EHMT1: variants seen among roughly 807,000 people sequenced by gnomAD.
EHMT1 encodes the protein euchromatic histone lysine methyltransferase 1.
A neutral mutation model predicts 147.2 loss-of-function variants in EHMT1; 15 were observed. The observed-to-expected ratio is 0.10, with a 90% confidence interval of 0.07 to 0.16. The LOEUF (loss-of-function observed/expected upper bound fraction) is 0.16. Among genes scored for constraint, EHMT1 ranks in the 10% least tolerant of loss-of-function variants. The pLI is 1.00. For synonymous variants in EHMT1, 795 were observed against 709.6 expected (o/e 1.12, Z -1.91); for missense variants, 1,587 against 1,772.4 (o/e 0.90, Z 1.88).
chr9:137,804,240 A>C (rs1443636329), intron 18 of EHMT1, among the ~76,000 whole-genome samples: 2 of 152,198 alleles, frequency 1.3e-5, no homozygotes, highest in Non-Finnish European at 2.9e-5. Flanking sequence ...GAGCCAACCC[A>C]TATCAGACAG....
At chr9:137,742,786 A>C (rs956896918) in intron 4 of EHMT1, among the ~76,000 whole-genome samples, 1 of 152,062 alleles carries the variant, frequency 6.6e-6, no homozygotes, top group African/African-American at 2.4e-5. Flanking sequence ...CAGCGCAAGG[A>C]GGATGGTGTT....
chr9:137,736,564 G>C (rs889175599), intron 4 of EHMT1, among the ~76,000 whole-genome samples: 4 of 152,226 alleles, frequency 2.6e-5, no homozygotes, highest in Admixed American at 2.0e-4. Context: ...CCATATGTTA[G>C]GCCACAAATA....
At chr9:137,714,114 C>G (rs866105143) in intron 2 of EHMT1, among the ~76,000 whole-genome samples, 8 of 152,210 alleles carry the variant, frequency 5.3e-5, no homozygotes, top group South Asian at 2.1e-4. Flanking sequence ...CCATTCCAAT[C>G]TGCATTCTTT....
intron 1 of EHMT1, chr9:137,646,446 G>A (rs1844889867): frequency 5.1e-6 from 5 of 985,426 alleles, no homozygotes; most frequent in Non-Finnish European, 6.0e-6. Context: ...AAAGTAAGAG[G>A]GCTGAATGGG....
At chr9:137,665,603 C>A (rs1203880225) in intron 1 of EHMT1, among the ~76,000 whole-genome samples, 1 of 152,174 alleles carries the variant, frequency 6.6e-6, no homozygotes, top group Non-Finnish European at 1.5e-5. Context: ...GGGCTGGTCC[C>A]CAGATTCCAT....
rs1490696129 is a variant in EHMT1 at position 137,619,056 on chromosome 9, A to C, written c.21+7A>C. 3.2e-6 allele frequency: 3 copies of C among 927,530 alleles called. No homozygotes were observed. Among genetic ancestry groups the C allele is most frequent in the Non-Finnish European group, 3.8e-6 (3 of 780,334 alleles). The allele number at this position is 927,530 out of a possible 1,614,324, so 57.5% of individuals were successfully genotyped here. On this transcript the variant is annotated splice_region_variant and intron_variant, in intron 1 of 26. Coordinates refer to ENST00000460843, the MANE Select transcript of EHMT1 (RefSeq NM_024757.5). ...GGCCGCCGCCGATGCCGAGGTGAGC[A>C]GCGGGGCCGGCGGGGGGCGGCGCGG...
intron 4 of EHMT1, among the ~76,000 whole-genome samples, chr9:137,742,082 C>T (rs1257434552): frequency 2.0e-5 from 3 of 152,244 alleles, no homozygotes; most frequent in African/African-American, 2.4e-5. Flanking sequence ...CTGTGTGCTC[C>T]GAGCCTGACC....
chr9:137,741,532 A>G (rs907443229), intron 4 of EHMT1, among the ~76,000 whole-genome samples: 1 of 152,192 alleles, frequency 6.6e-6, no homozygotes, highest in African/African-American at 2.4e-5. Context: ...TTATTTATAA[A>G]CAGGTGCCAT....
chr9:137,817,196 A>G (rs1481133714), intron 23 of EHMT1: 1 of 583,952 alleles, frequency 1.7e-6, no homozygotes, highest in African/African-American at 1.9e-5. Flanking sequence ...ACACCGAGCC[A>G]CGGCCAGGAC....
chr9:137,763,217 C>T lies in EHMT1; in HGVS notation c.1647+397C>T, dbSNP rs867905815. ...CCTGCAGGGCAGGCCCCGCAAGGGC[C>T]GGGCCTCGGCCACCTCCCTCCTTTC... On this transcript the variant is annotated intron_variant, in intron 10 of 26. Coordinates refer to ENST00000460843, the MANE Select transcript of EHMT1 (RefSeq NM_024757.5). 18 of 390,084 alleles carry T rather than the reference C, an allele frequency of 4.6e-5. No homozygotes were observed. In the East Asian group the frequency reaches 5.2e-4, roughly 11 times the overall value. 24.2% of individuals were successfully genotyped at this position (390,084 alleles called of 1,614,324 possible). A position where few individuals can be genotyped will look rare whatever the true frequency, so the allele number is the denominator to read the frequency against.
intron 25 of EHMT1, among the ~76,000 whole-genome samples, chr9:137,820,441 T>G (rs1955315470): frequency 2.0e-5 from 3 of 152,244 alleles, no homozygotes; most frequent in African/African-American, 7.2e-5. Flanking sequence ...TGTCGCCTTC[T>G]CTCTATGACT....
intron 1 of EHMT1, among the ~76,000 whole-genome samples, chr9:137,635,012 G>A (rs1486777195): frequency 1.3e-5 from 2 of 151,124 alleles, no homozygotes; most frequent in East Asian, 2.0e-4. Flanking sequence ...GAGCCACTGC[G>A]CCCGGCTGTC....
chr9:137,624,773 G>A (rs1843150388), intron 1 of EHMT1, among the ~76,000 whole-genome samples: 2 of 151,124 alleles, frequency 1.3e-5, no homozygotes, highest in African/African-American at 4.9e-5. Context: ...TGATTTTTCT[G>A]TTTTTGTAGA....
At chr9:137,817,607 C>T (rs1211647112) in intron 24 of EHMT1, 82 bp downstream of exon 24, 1 of 1,570,586 alleles carries the variant, frequency 6.4e-7, no homozygotes, top group Non-Finnish European at 8.7e-7. Flanking sequence ...CAGGAAGCCC[C>T]TCTGGGAGCA....
At chr9:137,709,890 G>T (rs1286008656) in intron 1 of EHMT1, among the ~76,000 whole-genome samples, 1 of 152,088 alleles carries the variant, frequency 6.6e-6, no homozygotes, top group Non-Finnish European at 1.5e-5. Context: ...TCACCAGAGG[G>T]CTTTCTCCAG....
intron 6 of EHMT1, among the ~76,000 whole-genome samples, chr9:137,749,343 T>C (rs1228222311): frequency 6.6e-6 from 1 of 152,140 alleles, no homozygotes; most frequent in East Asian, 1.9e-4. Flanking sequence ...CAAATCATAG[T>C]TTATTGTAGT....
rs1023486692 is a variant in EHMT1 at position 137,782,948 on chromosome 9, A to G, written c.2382+551A>G. On this transcript the variant is annotated intron_variant, in intron 15 of 26. Coordinates refer to ENST00000460843, the MANE Select transcript of EHMT1 (RefSeq NM_024757.5). The surrounding 1 kb of genome is among the most constrained non-coding windows in gnomAD (Gnocchi z 5.7). The stretch of plus-strand genomic sequence containing the variant: ...ACACGACGCTGTTTGTCCCCCTGTG[A>G]CGCCCCTTCCCTGATCCCGGTGTTG... 2.0e-5 allele frequency among the ~76,000 whole-genome samples: 3 copies of G among 152,090 alleles called. No individual in the cohort carries two copies. The highest frequency in any genetic ancestry group is 2.9e-5 in the Non-Finnish European group (2 of 68,036).
chr9:137,788,465 C>G, intron 15 of EHMT1: 1 of 177,578 alleles, frequency 5.6e-6, no homozygotes, highest in Non-Finnish European at 1.2e-5. Context: ...ACGGAGGTTG[C>G]AGGTGTAGGG....
chr9:137,743,536 A>T lies in EHMT1; in HGVS notation c.981+8A>T. On this transcript the variant is annotated splice_region_variant and intron_variant, in intron 5 of 26. Coordinates refer to ENST00000460843, the MANE Select transcript of EHMT1 (RefSeq NM_024757.5). The stretch of plus-strand genomic sequence containing the variant: ...TCCACTGTGGGTTCCAAGGTAAGAG[A>T]CGCATTTGAGTGAGTTGCCACGTGT... The T allele has an allele frequency of 6.2e-7, 1 of 1,613,810 alleles. No individual in the cohort carries two copies. The highest frequency in any genetic ancestry group is 2.2e-5 in the East Asian group (1 of 44,870).
Sources: allele counts gnomAD v4.1 joint callset (sites outside exome capture counted in the v4.1 genomes callset), GRCh38; gene constraint gnomAD v4.1.1; non-coding constraint Gnocchi (gnomAD v3.1); transcripts MANE v1.5; gene names NCBI Gene and HGNC (gene_info 2026-07-23, HGNC 2026-07-21).